LRMDA: variants seen among roughly 807,000 people sequenced by gnomAD.
LRMDA encodes the protein leucine-rich melanocyte differentiation-associated protein.
Under a neutral mutation model 29.8 loss-of-function variants are expected in LRMDA, and 18 were observed. The ratio of observed to expected loss-of-function variants is 0.60; its 90% CI spans 0.42 to 0.90. LRMDA has a LOEUF of 0.90. Among genes scored for constraint, LRMDA ranks in the 40% least tolerant of loss-of-function variants. The pLI is 0.00. For synonymous variants in LRMDA, 125 were observed against 109.4 expected, an observed-to-expected ratio of 1.14 and a Z score of -0.89; for missense variants, 273 against 273.9, an observed-to-expected ratio of 1.00 and a Z score of 0.02.
intron 2 of LRMDA, among the ~76,000 whole-genome samples, chr10:75,735,793 T>A (rs1842754564): frequency 6.6e-6 from 1 of 152,214 alleles, no homozygotes; most frequent in Non-Finnish European, 1.5e-5. Flanking sequence ...AGCAAGATAT[T>A]CACGAGTCCA....
intron 1 of LRMDA, among the ~76,000 whole-genome samples, chr10:75,434,485 G>C (rs1466938080): frequency 6.6e-6 from 1 of 152,208 alleles, no homozygotes; most frequent in Non-Finnish European, 1.5e-5. Context: ...CTCGAAGATG[G>C]TGACTCATCC....
intron 6 of LRMDA, among the ~76,000 whole-genome samples, chr10:76,506,583 T>C (rs1004595008): frequency 3.3e-5 from 5 of 152,134 alleles, no homozygotes; most frequent in African/African-American, 1.2e-4. Context: ...TCTTTCTCAC[T>C]GTATTTTTGT....
Position 75,438,512 on chromosome 10 carries a change from G to A in LRMDA, c.131+18G>A. 1 of 1,546,238 alleles carries A rather than the reference G, an allele frequency of 6.5e-7. No homozygotes were observed. Among genetic ancestry groups the A allele is most frequent in the Non-Finnish European group, 8.7e-7 (1 of 1,143,004 alleles). On this transcript the variant is annotated intron_variant, in intron 2 of 6. Transcript: ENST00000611255. ...CTTCTGAGGTATGTAACCTTCACAA[G>A]ATGTAGGCCAGGCCTGGGAGGCCCA...
chr10:75,598,673 G>A (rs1028700719), intron 2 of LRMDA, among the ~76,000 whole-genome samples: 1 of 152,090 alleles, frequency 6.6e-6, no homozygotes, highest in Non-Finnish European at 1.5e-5. Flanking sequence ...CTTGCCTCGC[G>A]TACGACTCCT....
intron 2 of LRMDA, among the ~76,000 whole-genome samples, chr10:75,867,209 C>T (rs919869124): frequency 3.3e-5 from 5 of 152,136 alleles, no homozygotes; most frequent in Non-Finnish European, 7.4e-5. Context: ...TGTTGCCAGA[C>T]TGGAGTGCAG....
intron 5 of LRMDA, among the ~76,000 whole-genome samples, chr10:76,100,024 G>A (rs547538081): frequency 1.3e-5 from 2 of 152,290 alleles, no homozygotes; most frequent in East Asian, 3.9e-4. Flanking sequence ...GAGGAGTGAT[G>A]AAGTCTCCAA....
intron 5 of LRMDA, among the ~76,000 whole-genome samples, chr10:76,264,630 G>A (rs570469936): frequency 1.1e-4 from 16 of 152,144 alleles, no homozygotes; most frequent in African/African-American, 3.9e-4. Flanking sequence ...CCATAGGAGA[G>A]GTGCAGATTT....
At chr10:75,718,689 A>G (rs971192410) in intron 2 of LRMDA, among the ~76,000 whole-genome samples, 5 of 152,226 alleles carry the variant, frequency 3.3e-5, no homozygotes, top group African/African-American at 7.2e-5. Flanking sequence ...AAAACTTCCA[A>G]ATGTGTTAGG....
chr10:76,326,891 C>T (rs1589428752), intron 6 of LRMDA, among the ~76,000 whole-genome samples: 3 of 152,054 alleles, frequency 2.0e-5, no homozygotes, highest in African/African-American at 4.8e-5. Context: ...AGTAACATGT[C>T]GTATTTTGCT....
intron 6 of LRMDA, among the ~76,000 whole-genome samples, chr10:76,397,546 A>C (rs2132491890): frequency 6.6e-6 from 1 of 152,250 alleles, no homozygotes; most frequent in East Asian, 1.9e-4. Flanking sequence ...CCCTTCCAAA[A>C]CCACACGGCA....
intron 2 of LRMDA, among the ~76,000 whole-genome samples, chr10:75,705,274 T>C (rs142540774): frequency 1.6e-3 from 245 of 152,226 alleles, no homozygotes; most frequent in Admixed American, 2.4e-3. Context: ...AGTTACTAAT[T>C]TTGAGGGTTT....
At chr10:75,695,552 A>G (rs957333163) in intron 2 of LRMDA, among the ~76,000 whole-genome samples, 7 of 151,926 alleles carry the variant, frequency 4.6e-5, no homozygotes, top group Admixed American at 1.3e-4. Context: ...CATCCCTTAT[A>G]GCTGTATCTC....
rs113655620 is a variant in LRMDA, at chr10:75,672,515, CTT to C, written c.131+234024_131+234025del. 2.3e-3 allele frequency among the ~76,000 whole-genome samples: 87 copies of C among 37,694 alleles called. 10 individuals are homozygous for C. The highest frequency in any genetic ancestry group is 8.8e-3 in the East Asian group (5 of 568). 24.7% of individuals were successfully genotyped at this position (37,694 alleles called of 152,430 possible). On this transcript the variant is annotated intron_variant, in intron 2 of 6. Transcript: ENST00000611255. ...TGCTAAGACACTTCCTTGTATTTTT[CTT>C]TTCTTTTCCTCCCCTCCCCTCCCCT...
Position 76,393,471 on chromosome 10 carries a change from A to C in LRMDA, c.601+68986A>C, listed in dbSNP as rs111441883. On this transcript the variant is annotated intron_variant, in intron 6 of 6. Transcript: ENST00000611255. ...GATCATTTGTATGTCTTCTTTTGAA[A>C]TATGTCTGTTCAGGTCCTTTGCCCA... Among the ~76,000 whole-genome samples, 16 of 152,242 alleles carry C rather than the reference A, an allele frequency of 1.1e-4. 1 individual carries two copies. The highest frequency in any genetic ancestry group is 3.9e-4 in the African/African-American group (16 of 41,546).
intron 5 of LRMDA, among the ~76,000 whole-genome samples, chr10:76,298,311 A>T (rs866205551): frequency 2.0e-5 from 3 of 152,216 alleles, no homozygotes; most frequent in African/African-American, 7.2e-5. Flanking sequence ...TATTGGAGAA[A>T]TCCAGTTGGC....
At chr10:76,116,478 C>A (rs1042007828) in intron 5 of LRMDA, among the ~76,000 whole-genome samples, 1 of 152,108 alleles carries the variant, frequency 6.6e-6, no homozygotes, top group Non-Finnish European at 1.5e-5. Flanking sequence ...TTCCTATTTC[C>A]GGTTTCATAT....
intron 5 of LRMDA, among the ~76,000 whole-genome samples, chr10:76,100,810 A>G (rs1012102014): frequency 2.0e-5 from 3 of 152,118 alleles, no homozygotes; most frequent in African/African-American, 7.2e-5. Context: ...TCCCTCCTGT[A>G]GAATTGAGGG....
intron 5 of LRMDA, among the ~76,000 whole-genome samples, chr10:76,118,840 CTTTTTTTTT>C (rs962279433): frequency 1.3e-4 from 6 of 46,006 alleles, no homozygotes; most frequent in Non-Finnish European, 1.7e-4. Flanking sequence ...TGCAAATACA[CTTTTTTTTT>C]TTTTTTTTTT....
At chr10:75,592,111 G>A (rs1162472960) in intron 2 of LRMDA, among the ~76,000 whole-genome samples, 1 of 152,034 alleles carries the variant, frequency 6.6e-6, no homozygotes, top group Non-Finnish European at 1.5e-5. Flanking sequence ...AGCATGACTT[G>A]AGGCCCTGAT....
Sources: gnomAD v4.1 joint callset for allele counts (sites outside exome capture counted in the v4.1 genomes callset) on GRCh38, gnomAD v4.1.1 for gene constraint, MANE v1.5 for transcripts, NCBI Gene and HGNC (gene_info 2026-07-23, HGNC 2026-07-21) for gene names.